Variants in MAT2A observed in about 807,000 individuals in gnomAD.
The protein encoded by MAT2A is methionine adenosyltransferase 2A, also known as S-adenosylmethionine synthase isoform type-2.
Under a neutral mutation model 43.9 loss-of-function variants are expected in MAT2A, and 3 were observed. The ratio of observed to expected loss-of-function variants is 0.07; its 90% CI spans 0.03 to 0.18. The LOEUF (loss-of-function observed/expected upper bound fraction) is 0.18, where lower values mean the gene tolerates loss of function less well. Among genes scored for constraint, MAT2A ranks in the 10% least tolerant of loss-of-function variants. MAT2A has a pLI of 1.00. For missense variants in MAT2A, 204 were observed against 489.0 expected, an observed-to-expected ratio of 0.42 and a Z score of 5.50; for synonymous variants, 200 against 168.4, an observed-to-expected ratio of 1.19 and a Z score of -1.45.
At chr2:85,539,496 G>A in intron 1 of MAT2A, 118 bp downstream of exon 1, 2 of 713,158 alleles carry the variant, frequency 2.8e-6, no homozygotes, top group Non-Finnish European at 4.3e-6. Context: ...GCCGGGTGAT[G>A]GAAGAGCGGC....
Position 85,541,849 on chromosome 2 carries a change from C to T in MAT2A, c.426C>T (p.Ala142=). ...TTTAGGGCTTAATGTTTGGCTATGC[C>T]ACTGATGAAACTGAGGAGTGTATGC... The part of the protein sequence containing the change: ...AGDQGLMFGY[A]TDETEECMPL... Residue 142 remains alanine, a synonymous_variant, in exon 5 of 9, where the codon GCC becomes GCT. Transcript: ENST00000306434. 5.6e-6 allele frequency: 9 copies of T among 1,614,144 alleles called. No homozygotes were observed. Among genetic ancestry groups the T allele is most frequent in the South Asian group, 1.1e-5 (1 of 91,070 alleles).
Position 85,542,382 on chromosome 2 carries a change from AT to A in MAT2A, c.768+13del, listed in dbSNP as rs749873162. 1.2e-6 allele frequency: 2 copies of A among 1,608,918 alleles called. No individual in the cohort carries two copies. Among genetic ancestry groups the A allele is most frequent in the Non-Finnish European group, 1.7e-6 (2 of 1,176,054 alleles). Reference sequence around the variant, plus strand: ...TTATTGGTGGGCCTCAGGTAATGTCATTTTGTTGCATTTTTCTGGATTTTTG... The same window carrying A: ...TTATTGGTGGGCCTCAGGTAATGTCATTTGTTGCATTTTTCTGGATTTTTG... On this transcript the variant is annotated intron_variant, in intron 6 of 8. Transcript: ENST00000306434.
In MAT2A at chr2:85,543,585, G is replaced by A; in HGVS notation, c.1086-85G>A. The A allele has an allele frequency of 4.7e-6, 4 of 849,118 alleles. No homozygotes were observed. In the South Asian group the frequency reaches 5.0e-5, roughly 11 times the overall value. The allele number at this position is 849,118 out of a possible 1,614,324, so 52.6% of individuals were successfully genotyped here. A position where few individuals can be genotyped will look rare whatever the true frequency, so the allele number is the denominator to read the frequency against. ...CATATCCCAGAGAACTCATTTGCCAGAGCTCTTGAAAATGAGTCTTGCTGA... is the reference window on the plus strand; with the variant it reads ...CATATCCCAGAGAACTCATTTGCCAAAGCTCTTGAAAATGAGTCTTGCTGA... On this transcript the variant is annotated intron_variant, in intron 8 of 8. Transcript: ENST00000306434.
intron 8 of MAT2A, chr2:85,543,253 A>G (rs1190376947): frequency 5.2e-5 from 27 of 519,006 alleles, no homozygotes; most frequent in Non-Finnish European, 9.4e-5. Context: ...CACTCTAGAG[A>G]ATGTTCCAGA....
At chr2:85,543,371 C>T (rs2103920621) in intron 8 of MAT2A, 1 of 414,864 alleles carries the variant, frequency 2.4e-6, no homozygotes, top group Non-Finnish European at 4.4e-6. Flanking sequence ...AGGGTGTGGG[C>T]GGCGGGACCT....
At position 85,539,243 on chromosome 2, in the gene MAT2A, C is replaced by G. The variant is rs778900933; in HGVS notation, c.-45C>G. ...GCGCATTTCGCAGCCGCTGCCGCCTCGCCGCTGCTCCTTCGTAAGGCCACT... is the reference window on the plus strand; with the variant it reads ...GCGCATTTCGCAGCCGCTGCCGCCTGGCCGCTGCTCCTTCGTAAGGCCACT... On this transcript the variant is annotated 5_prime_UTR_variant, in exon 1 of 9. Coordinates refer to ENST00000306434, the MANE Select transcript of MAT2A (RefSeq NM_005911.6). 1.1e-5 allele frequency: 16 copies of G among 1,414,720 alleles called. No homozygotes were observed. Among genetic ancestry groups the G allele is most frequent in the Non-Finnish European group, 1.5e-5 (15 of 1,017,402 alleles). The allele number at this position is 1,414,720 out of a possible 1,614,324, so 87.6% of individuals were successfully genotyped here. A position where few individuals can be genotyped will look rare whatever the true frequency, so the allele number is the denominator to read the frequency against.
intron 8 of MAT2A, chr2:85,543,352 A>C (rs2103920559): frequency 2.4e-6 from 1 of 415,156 alleles, no homozygotes; most frequent in South Asian, 4.6e-5. Flanking sequence ...GCAATGTAAA[A>C]ACCATGGTAG....
At position 85,542,558 on chromosome 2, in the gene MAT2A, A is replaced by AT; in HGVS notation, c.769-4dup. 1 of 1,612,800 alleles carries AT rather than the reference A, an allele frequency of 6.2e-7. No homozygotes were observed. ...GGCGTAAAGTAACTTAAATCCTGTAATTTCAGGGTGATGCTGGTTTGACTG... is the reference window on the plus strand; with the variant it reads ...GGCGTAAAGTAACTTAAATCCTGTAATTTTCAGGGTGATGCTGGTTTGACTG... On this transcript the variant is annotated splice_region_variant and splice_polypyrimidine_tract_variant and intron_variant, in intron 6 of 8. Transcript: ENST00000306434.
In MAT2A at chr2:85,541,977, GTGA is replaced by G; in HGVS notation, c.549+10_549+12del. 1.2e-6 allele frequency: 2 copies of G among 1,610,852 alleles called. No homozygotes were observed. The highest frequency in any genetic ancestry group is 8.5e-7 in the Non-Finnish European group (1 of 1,177,322). Reference sequence around the variant, plus strand: ...CGCCCTGATTCTAAAACTCAAGTAAGTGATGATCATAAAGCTTGGTTGTCTCAT... The same window carrying G: ...CGCCCTGATTCTAAAACTCAAGTAAGTGATCATAAAGCTTGGTTGTCTCAT... On this transcript the variant is annotated splice_donor_region_variant and intron_variant, in intron 5 of 8. Coordinates refer to ENST00000306434, the MANE Select transcript of MAT2A (RefSeq NM_005911.6).
Position 85,542,387 on chromosome 2 carries a change from G to T in MAT2A, c.768+14G>T. On this transcript the variant is annotated intron_variant, in intron 6 of 8. Coordinates refer to ENST00000306434, the MANE Select transcript of MAT2A (RefSeq NM_005911.6). ...GGTGGGCCTCAGGTAATGTCATTTT[G>T]TTGCATTTTTCTGGATTTTTGATGG... 1.2e-6 allele frequency: 2 copies of T among 1,609,264 alleles called. No homozygotes were observed. The highest frequency in any genetic ancestry group is 1.7e-6 in the Non-Finnish European group (2 of 1,176,252).
At position 85,539,184 on chromosome 2, in the gene MAT2A, C is replaced by G; in HGVS notation, c.-104C>G. On this transcript the variant is annotated 5_prime_UTR_variant, in exon 1 of 9. Coordinates refer to ENST00000306434, the MANE Select transcript of MAT2A (RefSeq NM_005911.6). ...CGCTGCTTCGTTCGCTCCGCGCCGC[C>G]CGCCTGCTACGAGTAGAACGCTGTC... is the stretch of plus-strand genomic sequence containing the variant. 1 of 823,650 alleles carries G rather than the reference C, an allele frequency of 1.2e-6. No homozygotes were observed. The highest frequency in any genetic ancestry group is 1.9e-6 in the Non-Finnish European group (1 of 516,782). 51.0% of individuals were successfully genotyped at this position (823,650 alleles called of 1,614,324 possible). A position where few individuals can be genotyped will look rare whatever the true frequency, so the allele number is the denominator to read the frequency against.
chr2:85,539,567 C>T (rs1048129199), intron 1 of MAT2A, 189 bp downstream of exon 1: 21 of 481,800 alleles, frequency 4.4e-5, no homozygotes, highest in South Asian at 1.5e-4. Context: ...CTCCTCTTCC[C>T]CCTCCCCTCT....
chr2:85,539,315 G>C lies in MAT2A; in HGVS notation c.28G>C (p.Glu10Gln), dbSNP rs748650397. ...GAACGGACAGCTCAACGGCTTCCAC[G>C]AGGCGTTCATCGAGGAGGGCACATT... MNGQLNGFH[E>Q]AFIEEGTFLF... is the part of the protein sequence containing the mutation. The change falls in exon 1 of 9, where the codon GAG becomes CAG. Residue 10 changes from glutamate to glutamine, a missense_variant. Transcript: ENST00000306434. 1 of 1,606,136 alleles carries C rather than the reference G, an allele frequency of 6.2e-7. No individual in the cohort carries two copies. Among genetic ancestry groups the C allele is most frequent in the Non-Finnish European group, 8.5e-7 (1 of 1,176,816 alleles).
In MAT2A at chr2:85,539,337, C is replaced by T. The variant is rs934701991; in HGVS notation, c.50C>T (p.Thr17Ile). 1 of 1,606,758 alleles carries T rather than the reference C, an allele frequency of 6.2e-7. No individual in the cohort carries two copies. Among genetic ancestry groups the T allele is most frequent in the Non-Finnish European group, 8.5e-7 (1 of 1,177,110 alleles). Residue 17 changes from threonine to isoleucine, a missense_variant, in exon 1 of 9, where the codon ACA becomes ATA. Around this residue, in one of 6 missense-constraint regions of MAT2A, gnomAD observed 36 missense variants for 24.2 expected, o/e 1.49. Transcript: ENST00000306434. ...GFHEAFIEEG[T>I]FLFTSESVGE... The stretch of plus-strand genomic sequence containing the variant: ...CACGAGGCGTTCATCGAGGAGGGCA[C>T]ATTCCTTTTCACCTCAGAGTCGGTC...
intron 1 of MAT2A, among the ~76,000 whole-genome samples, chr2:85,540,282 C>T (rs541425093): frequency 2.0e-5 from 3 of 152,284 alleles, no homozygotes; most frequent in Non-Finnish European, 4.4e-5. Context: ...TTGGCTGTTT[C>T]TGCCCTTAGG....
rs1312735312 is a variant in MAT2A at position 85,542,660 on chromosome 2, C to T, written c.864C>T (p.Thr288=). ...GTGCCTTTTCAGGAAAGGATTATAC[C>T]AAGGTCGACCGTTCAGCTGCTTATG... ...GGGAFSGKDY[T]KVDRSAAYAA... Residue 288 remains threonine (T), a synonymous_variant, in exon 7 of 9, where the codon ACC becomes ACT. Transcript: ENST00000306434. The T allele has an allele frequency of 1.2e-6, 2 of 1,613,588 alleles. No individual in the cohort carries two copies. Among genetic ancestry groups the T allele is most frequent in the Non-Finnish European group, 1.7e-6 (2 of 1,179,568 alleles).
intron 6 of MAT2A, 77 bp downstream of exon 6, chr2:85,542,450 T>C (rs2103918421): frequency 3.9e-6 from 6 of 1,542,208 alleles, no homozygotes; most frequent in Non-Finnish European, 4.5e-6. Context: ...TTTTCAGGCT[T>C]TCTGAAACCT....
chr2:85,542,884 C>T lies in MAT2A; in HGVS notation c.952-17C>T, dbSNP rs1691515018. 1.2e-6 allele frequency: 2 copies of T among 1,607,430 alleles called. No homozygotes were observed. The highest frequency in any genetic ancestry group is 1.7e-6 in the Non-Finnish European group (2 of 1,177,146). On this transcript the variant is annotated splice_polypyrimidine_tract_variant and intron_variant, in intron 7 of 8. Transcript: ENST00000306434. ...TCTTTGCAATCACTGATTCTTACGA[C>T]ATTTGAATCCTTTTAGGTCTCTTAT...
chr2:85,540,221 GAA>G (rs1193664845), intron 1 of MAT2A, among the ~76,000 whole-genome samples: 1 of 152,220 alleles, frequency 6.6e-6, no homozygotes, highest in Admixed American at 6.5e-5. Context: ...TCCAGGAACT[GAA>G]AATCTCAGCC....
Sources: allele counts gnomAD v4.1 joint callset (sites outside exome capture counted in the v4.1 genomes callset), GRCh38; gene constraint gnomAD v4.1.1; regional missense constraint gnomAD v4.1.1; transcripts MANE v1.5; gene names NCBI Gene and HGNC (gene_info 2026-07-23, HGNC 2026-07-21).